Variants in PPARGC1A observed in about 807,000 individuals in gnomAD.
PPARGC1A encodes peroxisome proliferator-activated receptor gamma coactivator 1-alpha.
In PPARGC1A, 25 loss-of-function variants were observed where a neutral mutation model predicts 88.7. That is an observed-to-expected ratio of 0.28 (90% CI 0.21 to 0.39). The LOEUF (loss-of-function observed/expected upper bound fraction) is 0.39. Among genes scored for constraint, PPARGC1A ranks in the 10% least tolerant of loss-of-function variants. The probability of loss-of-function intolerance (pLI) is 1.00; values close to 1 mark genes in which losing one functional copy is unlikely to be tolerated. For missense variants in PPARGC1A, 880 were observed against 968.7 expected (o/e 0.91, Z 1.22); for synonymous variants, 363 against 355.6 (o/e 1.02, Z -0.24).
chr4:24,318,881 T>G, the PPARGC1A span, among the ~76,000 whole-genome samples: 4 of 152,164 alleles, frequency 2.6e-5, no homozygotes, highest in African/African-American at 9.7e-5. Flanking sequence ...ACACAGCCAG[T>G]AAAGTTTGAA....
At chr4:24,122,317 G>C in the PPARGC1A span, among the ~76,000 whole-genome samples, 13 of 151,918 alleles carry the variant, frequency 8.6e-5, no homozygotes, top group Admixed American at 7.2e-4. Flanking sequence ...CTGGTGGATA[G>C]GGTAGAGAGG....
At chr4:24,227,108 G>A in the PPARGC1A span, among the ~76,000 whole-genome samples, 3 of 151,160 alleles carry the variant, frequency 2.0e-5, no homozygotes, top group Admixed American at 6.6e-5. Context: ...TTTTGGATAC[G>A]GAGTCTCACT....
the PPARGC1A span, among the ~76,000 whole-genome samples, chr4:24,348,443 A>C: frequency 6.6e-6 from 1 of 152,250 alleles, no homozygotes; most frequent in South Asian, 2.1e-4. Flanking sequence ...TACACTGATT[A>C]TTCTTAGGTT....
At chr4:24,470,163 G>A in the PPARGC1A span, among the ~76,000 whole-genome samples, 2 of 152,016 alleles carry the variant, frequency 1.3e-5, no homozygotes, top group African/African-American at 4.8e-5. This position sits in a 1 kb window ranked among gnomAD's most constrained non-coding sequence, Gnocchi z 5.8. Flanking sequence ...CGGCGCTGCC[G>A]AGGATGCCCG....
In PPARGC1A at chr4:23,794,619, T is replaced by C. The variant is rs1717183404; in HGVS notation, c.*1203A>G. ...ACCTCATAATTACATTTGAATATTC[T>C]TGATTAAGAAAAATTTAGCAGTTTT... On this transcript the variant is annotated 3_prime_UTR_variant, in exon 13 of 13. Coordinates refer to ENST00000264867, the MANE Select transcript of PPARGC1A (RefSeq NM_013261.5). 2 of 150,404 alleles carry C rather than the reference T, an allele frequency of 1.3e-5. No individual in the cohort carries two copies. The highest frequency in any genetic ancestry group is 3.0e-5 in the Non-Finnish European group (2 of 66,328). The allele number at this position is 150,404 out of a possible 1,614,324, so 9.3% of individuals were successfully genotyped here. A position where few individuals can be genotyped will look rare whatever the true frequency, so the allele number is the denominator to read the frequency against.
chr4:24,388,866 G>A, the PPARGC1A span, among the ~76,000 whole-genome samples: 1 of 152,250 alleles, frequency 6.6e-6, no homozygotes, highest in Non-Finnish European at 1.5e-5. Flanking sequence ...AATACCTAAT[G>A]TAGATGACGG....
the PPARGC1A span, among the ~76,000 whole-genome samples, chr4:24,430,457 T>G: frequency 6.6e-6 from 1 of 151,682 alleles, no homozygotes; most frequent in Admixed American, 6.6e-5. Flanking sequence ...GAGACGGGGT[T>G]TCACCGTGTT....
chr4:24,266,183 T>A, the PPARGC1A span, among the ~76,000 whole-genome samples: 1 of 152,334 alleles, frequency 6.6e-6, no homozygotes, highest in South Asian at 2.1e-4. Flanking sequence ...TGCAGCATTT[T>A]GCAGTGGCTG....
the PPARGC1A span, among the ~76,000 whole-genome samples, chr4:24,407,115 C>T: frequency 6.6e-6 from 1 of 152,166 alleles, no homozygotes; most frequent in Non-Finnish European, 1.5e-5. Context: ...GCTCCGGAGG[C>T]CTCCAAAGTC....
At chr4:23,877,821 A>T (rs1715110016) in intron 2 of PPARGC1A, 1 of 152,270 alleles carries the variant, frequency 6.6e-6, no homozygotes, top group African/African-American at 2.4e-5. Flanking sequence ...TTGTGTGTTG[A>T]TTCCATCCAG....
At chr4:23,838,248 T>C (rs902981898) in intron 2 of PPARGC1A, among the ~76,000 whole-genome samples, 2 of 152,106 alleles carry the variant, frequency 1.3e-5, no homozygotes, top group Admixed American at 6.5e-5. Context: ...CAATCCACTG[T>C]GGGTTTTGTT....
chr4:24,332,040 G>C, the PPARGC1A span, among the ~76,000 whole-genome samples: 19 of 152,150 alleles, frequency 1.2e-4, no homozygotes, highest in African/African-American at 4.3e-4. Flanking sequence ...GTTGACGTCG[G>C]GCAGTAGTCT....
chr4:24,406,691 G>C, the PPARGC1A span, among the ~76,000 whole-genome samples: 2 of 152,160 alleles, frequency 1.3e-5, no homozygotes, highest in African/African-American at 2.4e-5. Flanking sequence ...GAAGGTCAAG[G>C]TCTCCAAAAT....
the PPARGC1A span, among the ~76,000 whole-genome samples, chr4:24,152,981 G>A: frequency 6.6e-6 from 1 of 152,180 alleles, no homozygotes; most frequent in African/African-American, 2.4e-5. Context: ...GCTCAGACAT[G>A]TAAACAAACA....
the PPARGC1A span, among the ~76,000 whole-genome samples, chr4:24,024,216 A>T: frequency 6.6e-6 from 1 of 152,194 alleles, no homozygotes; most frequent in Admixed American, 6.6e-5. Flanking sequence ...TCTATGTGCC[A>T]CTTCCTTGCC....
chr4:24,051,187 CAAAAAAAAAAAAA>C, the PPARGC1A span, among the ~76,000 whole-genome samples: 96 of 58,622 alleles, frequency 1.6e-3, no homozygotes, highest in Non-Finnish European at 4.0e-4. Flanking sequence ...GACTCTGTCT[CAAAAAAAAAAAAA>C]AAAAAAAAAA....
the PPARGC1A span, among the ~76,000 whole-genome samples, chr4:24,270,891 CT>C: frequency 1.3e-5 from 2 of 152,090 alleles, no homozygotes; most frequent in African/African-American, 4.8e-5. Flanking sequence ...ATAATTCTTT[CT>C]GGTTTGGAGG....
the PPARGC1A span, among the ~76,000 whole-genome samples, chr4:23,941,721 C>T: frequency 6.6e-6 from 1 of 152,232 alleles, no homozygotes; most frequent in East Asian, 1.9e-4. Context: ...GGCACAATGT[C>T]ACCACCAGGT....
chr4:24,191,924 G>C, the PPARGC1A span, among the ~76,000 whole-genome samples: 15 of 152,326 alleles, frequency 9.8e-5, no homozygotes, highest in Non-Finnish European at 2.1e-4. Flanking sequence ...CCCTTAGAGA[G>C]TACACAACAC....
Sources: allele counts gnomAD v4.1 joint callset (sites outside exome capture counted in the v4.1 genomes callset), GRCh38; gene constraint gnomAD v4.1.1; non-coding constraint Gnocchi (gnomAD v3.1); transcripts MANE v1.5; gene names NCBI Gene and HGNC (gene_info 2026-07-23, HGNC 2026-07-21).